CACNA1E: variants seen among roughly 807,000 people sequenced by gnomAD.
The protein encoded by CACNA1E is voltage-dependent R-type calcium channel subunit alpha-1E.
In CACNA1E, 40 loss-of-function variants were observed where a neutral mutation model predicts 259.2. The observed-to-expected ratio is 0.15, with a 90% CI of 0.12 to 0.20. The LOEUF is 0.20. Ranked by LOEUF, CACNA1E falls within the 10% of genes least tolerant of loss-of-function variation. The pLI, the probability that CACNA1E is intolerant of heterozygous loss-of-function variation, is 1.00. For missense variants in CACNA1E, 1,874 were observed against 3,040.1 expected, an observed-to-expected ratio of 0.62 and a Z score of 9.02; for synonymous variants, 1,104 against 1,138.5, an observed-to-expected ratio of 0.97 and a Z score of 0.61.
chr1:181,711,143 C>A lies in CACNA1E; in HGVS notation c.1171+74C>A, dbSNP rs145082852. The A allele has an allele frequency of 2.8e-4, 284 of 1,019,914 alleles. 2 individuals carry two copies. In the East Asian group the frequency reaches 6.2e-3, roughly 22 times the overall value. The allele number at this position is 1,019,914 out of a possible 1,614,324, so 63.2% of individuals were successfully genotyped here. A position where few individuals can be genotyped will look rare whatever the true frequency, so the allele number is the denominator to read the frequency against. The stretch of plus-strand genomic sequence containing the variant: ...CAGGGCCGGCCCCTCACTCCCAATG[C>A]TCCCATTCAAGGGGCAGCCTAGACA... On this transcript the variant is annotated intron_variant, in intron 8 of 47. Transcript: ENST00000367573.
At chr1:181,439,953 C>T (rs115406389) in intron 2 of CACNA1E, among the ~76,000 whole-genome samples, 1 of 152,142 alleles carries the variant, frequency 6.6e-6, no homozygotes, top group Non-Finnish European at 1.5e-5. Context: ...CCAGAAGGCT[C>T]TAGATCAAGT....
intron 45 of CACNA1E, 58 bp from the exon 46 acceptor site, chr1:181,794,806 T>C (rs1248260770): frequency 6.7e-7 from 1 of 1,498,362 alleles, no homozygotes; most frequent in Non-Finnish European, 9.1e-7. Flanking sequence ...TCTGTCCTTT[T>C]AGATCTTTTC....
chr1:181,371,241 T>C (rs868504964), intron 1 of CACNA1E, among the ~76,000 whole-genome samples: 2 of 152,206 alleles, frequency 1.3e-5, no homozygotes, highest in South Asian at 2.1e-4. Flanking sequence ...TGTCTTCTTT[T>C]GCTGTGCAGA....
intron 18 of CACNA1E, among the ~76,000 whole-genome samples, chr1:181,730,342 G>A (rs1397001243): frequency 6.6e-6 from 1 of 152,242 alleles, no homozygotes; most frequent in African/African-American, 2.4e-5. Context: ...TAGCCCAGAT[G>A]TGTTGTCCTC....
At chr1:181,381,906 C>A (rs559350523) in intron 1 of CACNA1E, among the ~76,000 whole-genome samples, 1 of 151,990 alleles carries the variant, frequency 6.6e-6, no homozygotes, top group Non-Finnish European at 1.5e-5. Flanking sequence ...CTGAGAAAAC[C>A]CAGGAGCTAG....
chr1:181,438,045 C>T (rs895505687), intron 2 of CACNA1E, among the ~76,000 whole-genome samples: 6 of 152,190 alleles, frequency 3.9e-5, no homozygotes, highest in Admixed American at 3.3e-4. Flanking sequence ...CCACAAATGA[C>T]ACTACCATCT....
chr1:181,763,273 G>T, intron 33 of CACNA1E, 133 bp from the exon 34 acceptor site: 2 of 720,558 alleles, frequency 2.8e-6, no homozygotes, highest in East Asian at 5.2e-5. Flanking sequence ...CCCATCAGCT[G>T]GAATTGGGGT....
intron 1 of CACNA1E, among the ~76,000 whole-genome samples, chr1:181,500,718 T>C (rs1457750657): frequency 6.6e-6 from 1 of 152,194 alleles, no homozygotes; most frequent in Non-Finnish European, 1.5e-5. Flanking sequence ...AGTCTTCCCT[T>C]TCCAAGCTGA....
At chr1:181,412,664 C>T (rs1365638372) in intron 1 of CACNA1E, among the ~76,000 whole-genome samples, 1 of 152,030 alleles carries the variant, frequency 6.6e-6, no homozygotes, top group East Asian at 1.9e-4. Flanking sequence ...CAGAGTGGGC[C>T]CTGGGGAAGG....
At chr1:181,612,484 A>G (rs1654838041) in intron 6 of CACNA1E, among the ~76,000 whole-genome samples, 1 of 152,172 alleles carries the variant, frequency 6.6e-6, no homozygotes, top group African/African-American at 2.4e-5. Flanking sequence ...AGGGCTGATC[A>G]ATCAGGTTTG....
At chr1:181,509,445 C>T (rs554354121) in intron 1 of CACNA1E, among the ~76,000 whole-genome samples, 7 of 152,212 alleles carry the variant, frequency 4.6e-5, no homozygotes, top group South Asian at 4.2e-4. Flanking sequence ...GCCAGATCTA[C>T]GGCTCCTCTC....
intron 1 of CACNA1E, among the ~76,000 whole-genome samples, chr1:181,496,704 T>C (rs1312483634): frequency 6.6e-6 from 1 of 152,088 alleles, no homozygotes; most frequent in Admixed American, 6.6e-5. Context: ...CTGTGGGAAA[T>C]GTTTACTGGT....
intron 2 of CACNA1E, among the ~76,000 whole-genome samples, chr1:181,452,851 T>C (rs2102341917): frequency 6.6e-6 from 1 of 152,354 alleles, no homozygotes; most frequent in East Asian, 1.9e-4. Context: ...TTCTTCTCAG[T>C]ACAATCTGTT....
chr1:181,558,160 G>C (rs1055862450), intron 3 of CACNA1E, among the ~76,000 whole-genome samples: 10 of 152,202 alleles, frequency 6.6e-5, no homozygotes, highest in African/African-American at 2.4e-4. Flanking sequence ...CACTAAGAGA[G>C]GGTTACTTTG....
chr1:181,682,763 TG>T (rs1264307314), intron 7 of CACNA1E, among the ~76,000 whole-genome samples: 3 of 151,918 alleles, frequency 2.0e-5, no homozygotes, highest in South Asian at 4.2e-4. Flanking sequence ...AGTGAGTGAG[TG>T]GGGAGGTGCT....
chr1:181,475,809 G>A (rs1376110680), intron 2 of CACNA1E, among the ~76,000 whole-genome samples: 1 of 152,206 alleles, frequency 6.6e-6, no homozygotes, highest in African/African-American at 2.4e-5. Flanking sequence ...GTCTGGGGAT[G>A]AGGGACAATC....
chr1:181,364,193 A>C (rs755840055), intron 1 of CACNA1E, among the ~76,000 whole-genome samples: 7 of 152,108 alleles, frequency 4.6e-5, no homozygotes, highest in Non-Finnish European at 1.0e-4. Flanking sequence ...TTTTGCATCA[A>C]AGCCTTCCCT....
chr1:181,804,390 C>T lies in CACNA1E; in HGVS notation c.*5556C>T, dbSNP rs931363177. On this transcript the variant is annotated 3_prime_UTR_variant, in exon 48 of 48. Coordinates refer to ENST00000367573, the MANE Select transcript of CACNA1E (RefSeq NM_001205293.3). Reference sequence around the variant, plus strand: ...GTCTTTCTCTTTCTGTCTAAATTGGCCTCTGTCTTTTCCTAAGGACTTAAA... The same window carrying T: ...GTCTTTCTCTTTCTGTCTAAATTGGTCTCTGTCTTTTCCTAAGGACTTAAA... 1 of 152,124 alleles carries T rather than the reference C, an allele frequency of 6.6e-6. No individual in the cohort carries two copies. The highest frequency in any genetic ancestry group is 1.5e-5 in the Non-Finnish European group (1 of 68,018). 9.4% of individuals were successfully genotyped at this position (152,124 alleles called of 1,614,324 possible).
chr1:181,732,570 G>C lies in CACNA1E; in HGVS notation c.2484G>C (p.Arg828=). ...TCAATGCCCACCCCAGCCTTTATCG[G>C]CGACCCAGGGCCATTGAGGGCCTGG... ...NPLNAHPSLY[R]RPRAIEGLAL... The change falls in exon 20 of 48, where the codon CGG becomes CGC. Residue 828 remains arginine (R), a synonymous_variant. Coordinates refer to ENST00000367573, the MANE Select transcript of CACNA1E (RefSeq NM_001205293.3). This position sits in a 1 kb window ranked among gnomAD's most constrained non-coding sequence, Gnocchi z 5.5. 1.3e-6 allele frequency: 2 copies of C among 1,528,518 alleles called. No individual in the cohort carries two copies. The highest frequency in any genetic ancestry group is 1.8e-6 in the Non-Finnish European group (2 of 1,137,230). The allele number at this position is 1,528,518 out of a possible 1,614,324, so 94.7% of individuals were successfully genotyped here.
Sources: allele counts gnomAD v4.1 joint callset (sites outside exome capture counted in the v4.1 genomes callset), GRCh38; gene constraint gnomAD v4.1.1; non-coding constraint Gnocchi (gnomAD v3.1); transcripts MANE v1.5; gene names NCBI Gene and HGNC (gene_info 2026-07-23, HGNC 2026-07-21).